The following UBR2 variants were observed in gnomAD, a reference collection of about 807,000 sequenced individuals.
UBR2 encodes E3 ubiquitin-protein ligase UBR2.
In UBR2, 92 loss-of-function variants were observed where a neutral mutation model predicts 247.9. The ratio of observed to expected loss-of-function variants is 0.37; its 90% CI spans 0.31 to 0.44. The LOEUF (loss-of-function observed/expected upper bound fraction) is 0.44. UBR2 is among the 20% of genes least tolerant of loss of function. UBR2 has a pLI of 1.00. For synonymous variants in UBR2, 672 were observed against 693.5 expected, an observed-to-expected ratio of 0.97 and a Z score of 0.49; for missense variants, 1,613 against 2,112.6, an observed-to-expected ratio of 0.76 and a Z score of 4.64.
At chr6:42,635,592 G>A in intron 14 of UBR2, 46 bp downstream of exon 14, 1 of 1,572,854 alleles carries the variant, frequency 6.4e-7, no homozygotes, top group Non-Finnish European at 8.7e-7. Context: ...GTGGAAGAGG[G>A]AGGAATAAGC....
chr6:42,666,687 G>A (rs1178701625), intron 34 of UBR2, among the ~76,000 whole-genome samples: 2 of 152,024 alleles, frequency 1.3e-5, no homozygotes, highest in Non-Finnish European at 2.9e-5. Flanking sequence ...AAACTGCTCA[G>A]CCTCCCCAAT....
At position 42,652,607 on chromosome 6, in the gene UBR2, C is replaced by T. The variant is rs753282282; in HGVS notation, c.2731C>T (p.His911Tyr). ...MGTILQWAVE[H>Y]NGYAWSESML... ...AACAATTCTGCAATGGGCTGTGGAA[C>T]ATAATGGATATGCCTGGTCAGAGTC... Residue 911 changes from histidine to tyrosine, a missense_variant, in exon 25 of 47, where the codon CAT (histidine) becomes TAT (tyrosine). Physicochemically the swap from His to Tyr is moderately conservative, Grantham distance 83. Around this residue, in one of 3 missense-constraint regions of UBR2, gnomAD observed 1,524 missense variants for 1,967.3 expected, o/e 0.77. Transcript: ENST00000372901. 1.2e-6 allele frequency: 2 copies of T among 1,613,354 alleles called. No individual in the cohort carries two copies. Among genetic ancestry groups the T allele is most frequent in the African/African-American group, 1.3e-5 (1 of 75,022 alleles).
At chr6:42,678,788 A>G (rs1366124526) in intron 41 of UBR2, 119 bp downstream of exon 41, 19 of 1,107,154 alleles carry the variant, frequency 1.7e-5, no homozygotes, top group Non-Finnish European at 2.2e-5. Flanking sequence ...CTTATTGACT[A>G]TGGTGATGTA....
intron 2 of UBR2, among the ~76,000 whole-genome samples, chr6:42,589,932 G>C (rs570105867): frequency 6.6e-6 from 1 of 152,228 alleles, no homozygotes; most frequent in African/African-American, 2.4e-5. Context: ...TTAGCAGTTT[G>C]ACTATGATAG....
intron 11 of UBR2, among the ~76,000 whole-genome samples, chr6:42,620,927 C>A (rs964385629): frequency 2.0e-5 from 3 of 152,130 alleles, no homozygotes; most frequent in African/African-American, 2.4e-5. Flanking sequence ...TCCTCGGCCT[C>A]CTGAGTAGCT....
chr6:42,646,818 T>TAGGGAGAGAG, intron 21 of UBR2, among the ~76,000 whole-genome samples: 1 of 148,896 alleles, frequency 6.7e-6, no homozygotes, highest in Admixed American at 6.7e-5. Flanking sequence ...TATATATATA[T>TAGGGAGAGAG]ATAGAGAGAG....
intron 25 of UBR2, 90 bp downstream of exon 25, chr6:42,652,735 G>C: frequency 8.3e-7 from 1 of 1,206,034 alleles, no homozygotes. Flanking sequence ...GGAAAACTAG[G>C]CCGAAATGTA....
intron 32 of UBR2, among the ~76,000 whole-genome samples, chr6:42,663,718 T>A (rs1419025966): frequency 1.3e-5 from 2 of 152,216 alleles, no homozygotes; most frequent in African/African-American, 4.8e-5. Context: ...TTTCAAGAGA[T>A]GCTCAGTAAA....
rs550821507 is a variant in UBR2, at chr6:42,693,018, T to G, written c.*1845T>G. The G allele has an allele frequency of 2.6e-5, 4 of 152,246 alleles. No individual in the cohort carries two copies. The highest frequency in any genetic ancestry group is 4.8e-5 in the African/African-American group (2 of 41,460). The allele number at this position is 152,246 out of a possible 1,614,324, so 9.4% of individuals were successfully genotyped here. ...GTTTCTTTAGCTTTTAAGGTAAGCTTCTTTTGGCTTTTTTTCATATGTTCA... is the reference window on the plus strand; with the variant it reads ...GTTTCTTTAGCTTTTAAGGTAAGCTGCTTTTGGCTTTTTTTCATATGTTCA... On this transcript the variant is annotated 3_prime_UTR_variant, in exon 47 of 47. Transcript: ENST00000372901.
At chr6:42,678,133 G>C (rs976334515) in intron 40 of UBR2, among the ~76,000 whole-genome samples, 4 of 152,108 alleles carry the variant, frequency 2.6e-5, no homozygotes, top group East Asian at 1.9e-4. Context: ...TCAGGAGATC[G>C]AGACCATCCT....
intron 39 of UBR2, 124 bp downstream of exon 39, chr6:42,676,315 T>C (rs991211125): frequency 3.0e-5 from 32 of 1,075,276 alleles, no homozygotes; most frequent in Non-Finnish European, 4.0e-5. Context: ...TTTTTTTCTG[T>C]GTATCTTCAT....
At chr6:42,651,039 T>C (rs1191347943) in intron 23 of UBR2, among the ~76,000 whole-genome samples, 4 of 152,012 alleles carry the variant, frequency 2.6e-5, no homozygotes, top group Non-Finnish European at 5.9e-5. Flanking sequence ...CTGGCCAACA[T>C]GTTGAAATCC....
intron 1 of UBR2, among the ~76,000 whole-genome samples, chr6:42,572,683 G>T (rs1044924094): frequency 1.3e-5 from 2 of 151,300 alleles, no homozygotes; most frequent in Non-Finnish European, 2.9e-5. Flanking sequence ...TTTGTTCACG[G>T]TTCAGTTAAC....
At chr6:42,671,014 C>T (rs553660586) in intron 36 of UBR2, among the ~76,000 whole-genome samples, 6 of 152,146 alleles carry the variant, frequency 3.9e-5, no homozygotes, top group African/African-American at 7.2e-5. Context: ...GGAGAAACCT[C>T]GTCTCTACTA....
chr6:42,648,569 C>A (rs1796920907), intron 22 of UBR2, among the ~76,000 whole-genome samples: 1 of 152,194 alleles, frequency 6.6e-6, no homozygotes, highest in Non-Finnish European at 1.5e-5. Context: ...AGTCTTCCCC[C>A]AGTCAATAAA....
chr6:42,573,434 A>G (rs1252203442), intron 1 of UBR2, among the ~76,000 whole-genome samples: 1 of 152,206 alleles, frequency 6.6e-6, no homozygotes, highest in East Asian at 1.9e-4. Flanking sequence ...TTCATATCTT[A>G]TATAATGATT....
rs775285181 is a variant in UBR2 at position 42,640,234 on chromosome 6, T to G, written c.1884T>G (p.Ser628Arg). 2.5e-6 allele frequency: 4 copies of G among 1,607,946 alleles called. No homozygotes were observed. Among genetic ancestry groups the G allele is most frequent in the Non-Finnish European group, 3.4e-6 (4 of 1,178,028 alleles). Residue 628 changes from serine (S) to arginine (R), a missense_variant, in exon 16 of 47, where the codon AGT (serine) becomes AGG (arginine). Physicochemically the swap from Ser to Arg is moderately radical, Grantham distance 110. Around this residue, in one of 3 missense-constraint regions of UBR2, gnomAD observed 1,524 missense variants for 1,967.3 expected, o/e 0.77. Coordinates refer to ENST00000372901, the MANE Select transcript of UBR2 (RefSeq NM_001363705.2). ...LAGLHVLLSK[S>R]EVAYKFPELL... Reference sequence around the variant, plus strand: ...GTTTACATGTATTATTAAGCAAAAGTGAAGTGGCATATAAATTTCCAGAGC... The same window carrying G: ...GTTTACATGTATTATTAAGCAAAAGGGAAGTGGCATATAAATTTCCAGAGC...
At chr6:42,640,038 A>T (rs992869740) in intron 15 of UBR2, among the ~76,000 whole-genome samples, 171 bp from the exon 16 acceptor site, 2 of 152,166 alleles carry the variant, frequency 1.3e-5, no homozygotes, top group Admixed American at 6.5e-5. Context: ...AAAAATTAAT[A>T]ATAATAATAA....
rs879214452 is a variant in UBR2 at position 42,612,372 on chromosome 6, T to C, written c.985+81T>C. ...TTGCAAAACTGTTTTGGGAAAACTATCAACTGGAATAATTTCCTGCTTTAA... is the reference window on the plus strand; with the variant it reads ...TTGCAAAACTGTTTTGGGAAAACTACCAACTGGAATAATTTCCTGCTTTAA... On this transcript the variant is annotated intron_variant, in intron 8 of 46. Transcript: ENST00000372901. The C allele has an allele frequency of 3.1e-5, 40 of 1,308,706 alleles. No individual in the cohort carries two copies. In the South Asian group the frequency reaches 7.7e-4, roughly 25 times the overall value. The allele number at this position is 1,308,706 out of a possible 1,614,324, so 81.1% of individuals were successfully genotyped here. A position where few individuals can be genotyped will look rare whatever the true frequency, so the allele number is the denominator to read the frequency against.
Sources: gnomAD v4.1 joint callset for allele counts (sites outside exome capture counted in the v4.1 genomes callset) on GRCh38, gnomAD v4.1.1 for gene constraint, gnomAD v4.1.1 regional missense constraint, MANE v1.5 for transcripts, NCBI Gene and HGNC (gene_info 2026-07-23, HGNC 2026-07-21) for gene names.